SAMD12: variants seen among roughly 807,000 people sequenced by gnomAD.
SAMD12 encodes the protein sterile alpha motif domain containing 12, also known as sterile alpha motif domain-containing protein 12.
In SAMD12, 9 loss-of-function variants were observed where a neutral mutation model predicts 15.0. That is an observed-to-expected ratio of 0.60 (90% CI 0.36 to 1.05). The LOEUF is 1.05. Among genes scored for constraint, SAMD12 ranks in the 50% least tolerant of loss-of-function variants. SAMD12 has a pLI of 0.01. For missense variants in SAMD12, 230 were observed against 234.2 expected (o/e 0.98, Z 0.12); for synonymous variants, 86 against 90.1 (o/e 0.96, Z 0.25).
In SAMD12 at chr8:118,344,577, TCATCACTCTGGAAATGGAAA is replaced by T. The variant is rs573415807; in HGVS notation, c.433+34963_433+34982del. On this transcript the variant is annotated intron_variant, in intron 4 of 4. Coordinates refer to the SAMD12 transcript ENST00000409003. ...TTAACCATTGTTTCCTATTGATCAT[TCATCACTCTGGAAATGGAAA>T]CAACAGAAGAAGAGTTCCCAGCTCT... Among the ~76,000 whole-genome samples the T allele has an allele frequency of 5.9e-5, 9 of 152,318 alleles. No individual in the cohort carries two copies. The East Asian group carries it at 1.7e-3, about 29-fold the overall frequency.
chr8:118,132,862 A>T, the SAMD12 span, among the ~76,000 whole-genome samples: 1 of 150,984 alleles, frequency 6.6e-6, no homozygotes, highest in Non-Finnish European at 1.5e-5. Context: ...TGCTTGAATG[A>T]TTTCAGAATG....
At chr8:118,356,767 C>T (rs1437570044) in intron 4 of SAMD12, among the ~76,000 whole-genome samples, 1 of 152,102 alleles carries the variant, frequency 6.6e-6, no homozygotes, top group Non-Finnish European at 1.5e-5. Context: ...TGACCTCTCT[C>T]ATTTCCAGGA....
chr8:118,490,543 A>G (rs1824413429), intron 2 of SAMD12, among the ~76,000 whole-genome samples: 1 of 152,200 alleles, frequency 6.6e-6, no homozygotes, highest in Admixed American at 6.5e-5. Flanking sequence ...GATTAGGTTC[A>G]GCTAAGAGTA....
intron 2 of SAMD12, among the ~76,000 whole-genome samples, chr8:118,504,784 A>G (rs1824879222): frequency 6.6e-6 from 1 of 152,216 alleles, no homozygotes; most frequent in South Asian, 2.1e-4. Flanking sequence ...GCAGAGACAC[A>G]TGGCCATAAG....
intron 4 of SAMD12, among the ~76,000 whole-genome samples, chr8:118,291,530 A>G (rs1020301385): frequency 6.6e-6 from 1 of 152,164 alleles, no homozygotes; most frequent in African/African-American, 2.4e-5. Flanking sequence ...ATTCTTTCAT[A>G]TCTTTACTGA....
intron 4 of SAMD12, among the ~76,000 whole-genome samples, chr8:118,252,389 G>A (rs1222540782): frequency 6.6e-6 from 1 of 152,124 alleles, no homozygotes; most frequent in East Asian, 1.9e-4. Context: ...GTCTTACTCT[G>A]TGGTCCAGAA....
chr8:118,265,892 G>A (rs1204876047), intron 4 of SAMD12, among the ~76,000 whole-genome samples: 1 of 151,840 alleles, frequency 6.6e-6, no homozygotes, highest in Non-Finnish European at 1.5e-5. Context: ...AAGACTGTAC[G>A]ACATCATACA....
intron 2 of SAMD12, among the ~76,000 whole-genome samples, chr8:118,457,116 T>C (rs1823278924): frequency 6.6e-6 from 1 of 152,224 alleles, no homozygotes; most frequent in Non-Finnish European, 1.5e-5. Flanking sequence ...TACTGACAAT[T>C]AATGATAATT....
At chr8:118,286,131 C>T (rs1294915297) in intron 4 of SAMD12, among the ~76,000 whole-genome samples, 1 of 139,528 alleles carries the variant, frequency 7.2e-6, no homozygotes, top group African/African-American at 2.7e-5. Flanking sequence ...AACACTTGGA[C>T]ACAGGAAGGG....
chr8:118,554,484 G>A (rs1826458985), intron 2 of SAMD12, among the ~76,000 whole-genome samples: 1 of 147,448 alleles, frequency 6.8e-6, no homozygotes, highest in Non-Finnish European at 1.5e-5. Context: ...ATTGAACAAT[G>A]AGAACACATG....
intron 4 of SAMD12, among the ~76,000 whole-genome samples, chr8:118,359,148 A>G (rs1316424457): frequency 2.0e-5 from 3 of 152,118 alleles, no homozygotes; most frequent in Non-Finnish European, 2.9e-5. Context: ...AATGTAACAT[A>G]TTTGGAGACA....
At chr8:118,554,249 C>T (rs1440369798) in intron 2 of SAMD12, among the ~76,000 whole-genome samples, 9 of 152,092 alleles carry the variant, frequency 5.9e-5, no homozygotes, top group African/African-American at 1.7e-4. Flanking sequence ...TTTATTGCGG[C>T]ACTATTCACA....
At chr8:118,494,802 C>A (rs1479045063) in intron 2 of SAMD12, among the ~76,000 whole-genome samples, 1 of 152,130 alleles carries the variant, frequency 6.6e-6, no homozygotes, top group Non-Finnish European at 1.5e-5. Flanking sequence ...GGACAAAAAC[C>A]ATTTTCTTCC....
the SAMD12 span, among the ~76,000 whole-genome samples, chr8:118,142,833 A>ATTAGAGCTAT: frequency 9.9e-5 from 15 of 152,226 alleles, no homozygotes; most frequent in Non-Finnish European, 1.5e-4. Context: ...ATCCTGTGTC[A>ATTAGAGCTAT]TAGAGCTAAT....
intron 2 of SAMD12, among the ~76,000 whole-genome samples, chr8:118,493,842 C>A (rs908868816): frequency 1.3e-5 from 2 of 152,186 alleles, no homozygotes; most frequent in African/African-American, 4.8e-5. Context: ...TCTAATCAGA[C>A]TGAACCCTGG....
intron 3 of SAMD12, among the ~76,000 whole-genome samples, chr8:118,416,289 A>G (rs1563843537): frequency 6.6e-6 from 1 of 152,202 alleles, no homozygotes; most frequent in African/African-American, 2.4e-5. Flanking sequence ...AACTATTGTT[A>G]TTATTATTAA....
the SAMD12 span, among the ~76,000 whole-genome samples, chr8:118,154,998 C>A: frequency 5.3e-4 from 81 of 152,266 alleles, no homozygotes; most frequent in African/African-American, 1.9e-3. Context: ...TGGTGACATT[C>A]CCTTGGGTGA....
At chr8:118,166,498 A>G in the SAMD12 span, among the ~76,000 whole-genome samples, 1 of 152,162 alleles carries the variant, frequency 6.6e-6, no homozygotes, top group African/African-American at 2.4e-5. Context: ...TTCATTTCCC[A>G]TATATTGCTC....
In SAMD12 at chr8:118,617,323, C is replaced by T. The variant is rs534800253; in HGVS notation, c.13+4481G>A. On this transcript the variant is annotated intron_variant, in intron 1 of 3. Transcript: ENST00000314727. Reference sequence around the variant, plus strand: ...TGACGCTATCTCATTTCCCATTTTCCCAGTCACCGTTATTATTACTTAGCC... The same window carrying T: ...TGACGCTATCTCATTTCCCATTTTCTCAGTCACCGTTATTATTACTTAGCC... Among the ~76,000 whole-genome samples the T allele has an allele frequency of 3.0e-3, 458 of 152,322 alleles. 2 individuals carry two copies. Among genetic ancestry groups the T allele is most frequent in the Non-Finnish European group, 5.7e-3 (388 of 68,028 alleles).
Sources: gnomAD v4.1 joint callset for allele counts (sites outside exome capture counted in the v4.1 genomes callset) on GRCh38, gnomAD v4.1.1 for gene constraint, MANE v1.5 for transcripts, NCBI Gene and HGNC (gene_info 2026-07-23, HGNC 2026-07-21) for gene names.